The following ABLIM2 variants were observed in gnomAD, a reference collection of about 807,000 sequenced individuals.
ABLIM2 encodes the protein actin-binding LIM protein 2.
A neutral mutation model predicts 97.7 loss-of-function variants in ABLIM2; 53 were observed. That is an observed-to-expected ratio of 0.54 (90% CI 0.44 to 0.68). The LOEUF is 0.68. Ranked by LOEUF, ABLIM2 falls within the 30% of genes least tolerant of loss-of-function variation. The pLI is 0.00. For missense variants in ABLIM2, 835 were observed against 867.2 expected (o/e 0.96, Z 0.47); for synonymous variants, 361 against 345.8 (o/e 1.04, Z -0.49).
intron 3 of ABLIM2, among the ~76,000 whole-genome samples, chr4:8,089,820 T>C (rs1226787849): frequency 2.0e-5 from 3 of 151,082 alleles, no homozygotes; most frequent in East Asian, 3.9e-4. Context: ...AATGCATTCA[T>C]TGTTGAATGA....
At position 8,061,103 on chromosome 4, in the gene ABLIM2, C is replaced by A; in HGVS notation, c.676-49G>T. The A allele has an allele frequency of 6.6e-7, 1 of 1,523,900 alleles. No individual in the cohort carries two copies. Among genetic ancestry groups the A allele is most frequent in the South Asian group, 1.2e-5 (1 of 83,444 alleles). 94.4% of individuals were successfully genotyped at this position (1,523,900 alleles called of 1,614,324 possible). ...ATGTTTCTACTAAAGCCAGAAAGGT[C>A]GGCTGGGTCCCAGCGCCCGGCATGG... On this transcript the variant is annotated intron_variant, in intron 6 of 20. Coordinates refer to ENST00000447017, the MANE Select transcript of ABLIM2 (RefSeq NM_001130083.2). This position sits in a 1 kb window ranked among gnomAD's most constrained non-coding sequence, Gnocchi z 4.5.
rs1023545703 is a variant in ABLIM2, at chr4:7,970,685, G to A, written c.1825-3582C>T. On this transcript the variant is annotated intron_variant, in intron 20 of 20. Transcript: ENST00000447017. This position sits in a 1 kb window ranked among gnomAD's most constrained non-coding sequence, Gnocchi z 5.3. ...AGAGGTGCCCTTGGGGATGACTGTG[G>A]GGGGGCGGTGGAGGGAGCATCTGGG... 6.6e-6 allele frequency among the ~76,000 whole-genome samples: 1 copy of A among 151,936 alleles called. No individual in the cohort carries two copies. The highest frequency in any genetic ancestry group is 2.4e-5 in the African/African-American group (1 of 41,352).
intron 2 of ABLIM2, among the ~76,000 whole-genome samples, chr4:8,105,640 G>C (rs1339529407): frequency 2.0e-5 from 3 of 152,200 alleles, no homozygotes; most frequent in Non-Finnish European, 4.4e-5. Flanking sequence ...TCTCCAAATG[G>C]CCCAGGGGGC....
intron 20 of ABLIM2, 44 bp downstream of exon 20, chr4:7,983,220 T>G: frequency 6.4e-7 from 1 of 1,566,470 alleles, no homozygotes; most frequent in East Asian, 2.3e-5. Flanking sequence ...GCGGGGACTC[T>G]CGCATGGGAA....
rs1470790476 is a variant in ABLIM2, at chr4:8,128,532, T to A, written c.11-21895A>T. ...TAATTCAACCAGGGGACCTGCTGGT[T>A]ACCAGATGTACTCCCAGGCTCTAAA... On this transcript the variant is annotated intron_variant, in intron 1 of 20. Transcript: ENST00000447017. This position sits in a 1 kb window ranked among gnomAD's most constrained non-coding sequence, Gnocchi z 4.9. Among the ~76,000 whole-genome samples the A allele has an allele frequency of 6.6e-6, 1 of 152,238 alleles. No homozygotes were observed. Among genetic ancestry groups the A allele is most frequent in the African/African-American group, 2.4e-5 (1 of 41,456 alleles).
In ABLIM2 at chr4:8,019,930, C is replaced by A. The variant is rs1772327397; in HGVS notation, c.1370-259G>T. On this transcript the variant is annotated intron_variant, in intron 13 of 20. Transcript: ENST00000447017. The surrounding 1 kb of genome is among the most constrained non-coding windows in gnomAD (Gnocchi z 4.3). ...CCCCGGGAAGTGTAGCCAGCTCAGA[C>A]AGCCCTTTTCCTTCACCCCATTCCC... 6.6e-6 allele frequency among the ~76,000 whole-genome samples: 1 copy of A among 152,206 alleles called. No homozygotes were observed.
At chr4:8,111,771 C>T (rs1228288975) in intron 1 of ABLIM2, among the ~76,000 whole-genome samples, 1 of 151,888 alleles carries the variant, frequency 6.6e-6, no homozygotes, top group Non-Finnish European at 1.5e-5. Flanking sequence ...ACTAAAAATA[C>T]AAAAATTAGC....
Position 8,085,506 on chromosome 4 carries a change from C to T in ABLIM2, c.454+2663G>A, listed in dbSNP as rs1216648665. On this transcript the variant is annotated intron_variant, in intron 4 of 20. Coordinates refer to ENST00000447017, the MANE Select transcript of ABLIM2 (RefSeq NM_001130083.2). The surrounding 1 kb of genome is among the most constrained non-coding windows in gnomAD (Gnocchi z 6.1). The stretch of plus-strand genomic sequence containing the variant: ...GGGGGTGCCCACGCTGCAGTCCCGT[C>T]CACTCACACGGCTCTGGGGGTGCCC... 6.7e-6 allele frequency among the ~76,000 whole-genome samples: 1 copy of T among 149,986 alleles called. No homozygotes were observed. Among genetic ancestry groups the T allele is most frequent in the African/African-American group, 2.5e-5 (1 of 40,730 alleles).
rs1796878384 is a variant in ABLIM2 at position 8,052,807 on chromosome 4, A to AC, written c.822+1380dup. On this transcript the variant is annotated intron_variant, in intron 8 of 20. Transcript: ENST00000447017. ...ATGCCCCACTTTGTTCCCTGCAGGC[A>AC]CAGCTGCTCAAACAAGAGCCCAGAC... Among the ~76,000 whole-genome samples the AC allele has an allele frequency of 2.0e-5, 3 of 152,374 alleles. No homozygotes were observed. In the South Asian group the frequency reaches 6.2e-4, roughly 32 times the overall value.
At chr4:7,984,796 C>A (rs951184488) in intron 18 of ABLIM2, 43 bp downstream of exon 18, 18 of 1,547,798 alleles carry the variant, frequency 1.2e-5, no homozygotes, top group African/African-American at 5.4e-5. Flanking sequence ...TGTTAGCGAC[C>A]CCTGCCCCAG....
In ABLIM2 at chr4:8,060,959, A is replaced by G. The variant is rs1802612626; in HGVS notation, c.763+8T>C. 1.9e-6 allele frequency: 3 copies of G among 1,572,858 alleles called. No homozygotes were observed. In the African/African-American group the frequency reaches 4.0e-5, roughly 21 times the overall value. On this transcript the variant is annotated splice_region_variant and intron_variant, in intron 7 of 20. Transcript: ENST00000447017. ...CTAGGGGACCAAACAACACATTTTA[A>G]TTTGTACCTTGAAGATACATCTCTT...
At chr4:8,009,655 C>G (rs1763615052) in intron 14 of ABLIM2, among the ~76,000 whole-genome samples, 1 of 152,200 alleles carries the variant, frequency 6.6e-6, no homozygotes, top group South Asian at 2.1e-4. Flanking sequence ...CTCAGCCTCC[C>G]AAACTGCTGG....
At chr4:8,139,490 C>CATATGAAAAAAGCTCA (rs1310323949) in intron 1 of ABLIM2, among the ~76,000 whole-genome samples, 7 of 152,250 alleles carry the variant, frequency 4.6e-5, no homozygotes, top group Admixed American at 2.0e-4. Context: ...AGCCAACAAA[C>CATATGAAAAAAGCTCA]ATATGAAAAA....
Position 8,015,196 on chromosome 4 carries a change from C to G in ABLIM2, c.1423+4422G>C, listed in dbSNP as rs1371014328. ...TCAGCCTCCCAAAGTGCTGGGATTA[C>G]AGGTGTGAGCCACCGTGCCCGGCTT... On this transcript the variant is annotated intron_variant, in intron 14 of 20. Coordinates refer to ENST00000447017, the MANE Select transcript of ABLIM2 (RefSeq NM_001130083.2). This position sits in a 1 kb window ranked among gnomAD's most constrained non-coding sequence, Gnocchi z 4.6. Among the ~76,000 whole-genome samples the G allele has an allele frequency of 6.6e-6, 1 of 152,170 alleles. No homozygotes were observed. Among genetic ancestry groups the G allele is most frequent in the African/African-American group, 2.4e-5 (1 of 41,452 alleles).
intron 13 of ABLIM2, 112 bp downstream of exon 13, chr4:8,020,090 G>A: frequency 2.2e-6 from 2 of 926,900 alleles, no homozygotes. Flanking sequence ...GAGGAGCCTG[G>A]AGTGTCGTCT....
intron 3 of ABLIM2, among the ~76,000 whole-genome samples, chr4:8,091,067 G>T (rs563255204): frequency 3.0e-4 from 45 of 150,828 alleles, no homozygotes; most frequent in Admixed American, 1.3e-3. Flanking sequence ...TTCCATGGCC[G>T]TTGTGCCATT....
At position 8,109,690 on chromosome 4, in the gene ABLIM2, G is replaced by C. The variant is rs564142825; in HGVS notation, c.11-3053C>G. 2.0e-5 allele frequency among the ~76,000 whole-genome samples: 3 copies of C among 152,348 alleles called. No individual in the cohort carries two copies. In the East Asian group the frequency reaches 5.8e-4, roughly 29 times the overall value. On this transcript the variant is annotated intron_variant, in intron 1 of 20. Coordinates refer to ENST00000447017, the MANE Select transcript of ABLIM2 (RefSeq NM_001130083.2). ...AGGCCAGGGGTTCCAAACAGACCAA[G>C]GGCGGTGGGTATCAGCTGTCTGGGG... is the stretch of plus-strand genomic sequence containing the variant.
rs1298243095 is a variant in ABLIM2 at position 8,001,758 on chromosome 4, C to G, written c.1618+6301G>C. On this transcript the variant is annotated intron_variant, in intron 16 of 20. Coordinates refer to ENST00000447017, the MANE Select transcript of ABLIM2 (RefSeq NM_001130083.2). This position sits in a 1 kb window ranked among gnomAD's most constrained non-coding sequence, Gnocchi z 4.2. ...CTCTCCCTGGGCTGTCCCTCCACGC[C>G]CTTTCTGCAGGATCAGCCCTGCTGG... Among the ~76,000 whole-genome samples the G allele has an allele frequency of 3.3e-5, 5 of 152,152 alleles. No homozygotes were observed. The highest frequency in any genetic ancestry group is 7.4e-5 in the Non-Finnish European group (5 of 68,024).
At chr4:8,077,766 G>C in intron 5 of ABLIM2, 45 bp from the exon 6 acceptor site, 1 of 1,526,688 alleles carries the variant, frequency 6.6e-7, no homozygotes, top group Non-Finnish European at 9.0e-7. Flanking sequence ...GTCGCCCGAG[G>C]ACCCTTGAGA....
Sources: allele counts gnomAD v4.1 joint callset (sites outside exome capture counted in the v4.1 genomes callset), GRCh38; gene constraint gnomAD v4.1.1; non-coding constraint Gnocchi (gnomAD v3.1); transcripts MANE v1.5; gene names NCBI Gene and HGNC (gene_info 2026-07-23, HGNC 2026-07-21).